The following SLC8A1 variants were observed in gnomAD, a reference collection of about 807,000 sequenced individuals.
SLC8A1 encodes the protein sodium/calcium exchanger 1.
A neutral mutation model predicts 68.3 loss-of-function variants in SLC8A1; 18 were observed. That is an observed-to-expected ratio of 0.26 (90% confidence interval 0.18 to 0.39). The LOEUF is 0.39. Among genes scored for constraint, SLC8A1 ranks in the 10% least tolerant of loss-of-function variants. SLC8A1 has a pLI of 1.00. For missense variants in SLC8A1, 985 were observed against 1,156.7 expected (o/e 0.85, Z 2.15); for synonymous variants, 475 against 415.5 (o/e 1.14, Z -1.74).
intron 2 of SLC8A1, among the ~76,000 whole-genome samples, chr2:40,376,350 A>G (rs989170614): frequency 1.3e-5 from 2 of 152,116 alleles, no homozygotes; most frequent in Non-Finnish European, 2.9e-5. Flanking sequence ...AGAGATAGAC[A>G]GTAGCTATGG....
At chr2:40,223,735 A>T (rs1490828996) in intron 2 of SLC8A1, 6 of 152,118 alleles carry the variant, frequency 3.9e-5, no homozygotes, top group Non-Finnish European at 8.8e-5. Flanking sequence ...TGGGCTCAAG[A>T]CAGCAAACAG....
intron 2 of SLC8A1, among the ~76,000 whole-genome samples, chr2:40,393,282 C>G (rs1318024916): frequency 6.6e-6 from 1 of 151,908 alleles, no homozygotes; most frequent in East Asian, 1.9e-4. Flanking sequence ...GAAAAAAATC[C>G]CAACAGCTAT....
intron 2 of SLC8A1, among the ~76,000 whole-genome samples, chr2:40,409,027 A>G (rs1691287911): frequency 6.6e-6 from 1 of 152,176 alleles, no homozygotes; most frequent in Non-Finnish European, 1.5e-5. Flanking sequence ...GTCAATGATT[A>G]TATGTAAATA....
intron 2 of SLC8A1, among the ~76,000 whole-genome samples, chr2:40,288,152 A>G (rs1447941606): frequency 6.6e-6 from 1 of 152,104 alleles, no homozygotes; most frequent in Non-Finnish European, 1.5e-5. Context: ...TGCATTCATG[A>G]TAGTGTTTTC....
intron 2 of SLC8A1, among the ~76,000 whole-genome samples, chr2:40,350,739 A>G (rs1670824674): frequency 6.6e-6 from 1 of 152,136 alleles, no homozygotes; most frequent in Admixed American, 6.5e-5. Context: ...TAAAAGCACA[A>G]AAACTGCCTG....
intron 2 of SLC8A1, among the ~76,000 whole-genome samples, chr2:40,300,620 T>C (rs949495724): frequency 1.3e-5 from 2 of 152,134 alleles, no homozygotes; most frequent in African/African-American, 4.8e-5. Context: ...AACCTCAGAC[T>C]CATGCTCTGA....
intron 2 of SLC8A1, among the ~76,000 whole-genome samples, chr2:40,201,233 T>G (rs1440563491): frequency 6.6e-6 from 1 of 151,940 alleles, no homozygotes; most frequent in Non-Finnish European, 1.5e-5. Flanking sequence ...AGAAGTCTTA[T>G]GATTTTCTGT....
intron 2 of SLC8A1, among the ~76,000 whole-genome samples, chr2:40,364,299 A>G (rs1203787346): frequency 6.6e-6 from 1 of 152,240 alleles, no homozygotes; most frequent in East Asian, 1.9e-4. Flanking sequence ...CTCTTAAGCC[A>G]TCAAGTTTCA....
intron 7 of SLC8A1, among the ~76,000 whole-genome samples, chr2:40,118,694 CA>C (rs1213087187): frequency 1.5e-5 from 2 of 132,114 alleles, no homozygotes; most frequent in East Asian, 2.3e-4. Context: ...CAGGAGAAAG[CA>C]GCTTCCAGCT....
chr2:40,282,869 G>A (rs1318206055), intron 2 of SLC8A1, among the ~76,000 whole-genome samples: 1 of 152,012 alleles, frequency 6.6e-6, no homozygotes, highest in Non-Finnish European at 1.5e-5. Context: ...CCCATACCCC[G>A]GACTCCCAGT....
At chr2:40,447,570 T>A in intron 1 of SLC8A1, among the ~76,000 whole-genome samples, 1 of 138,612 alleles carries the variant, frequency 7.2e-6, no homozygotes, top group East Asian at 2.1e-4. Flanking sequence ...CCAGTTGACC[T>A]GATAAACCAA....
chr2:40,256,534 G>C (rs577586016), intron 2 of SLC8A1, among the ~76,000 whole-genome samples: 264 of 152,300 alleles, frequency 1.7e-3, no homozygotes, highest in Non-Finnish European at 2.7e-3. Flanking sequence ...TGTTCTACTG[G>C]ACGCATTTAA....
chr2:40,152,554 A>G (rs1176215617), intron 6 of SLC8A1, among the ~76,000 whole-genome samples: 3 of 148,524 alleles, frequency 2.0e-5, no homozygotes, highest in African/African-American at 4.9e-5. Flanking sequence ...TCAGGTGTGC[A>G]CCACTACGCC....
At chr2:40,252,024 T>G (rs750016009) in intron 2 of SLC8A1, among the ~76,000 whole-genome samples, 2 of 152,180 alleles carry the variant, frequency 1.3e-5, no homozygotes, top group Non-Finnish European at 2.9e-5. Context: ...ATATGCAATA[T>G]GATTACAAAT....
At chr2:40,276,845 T>G (rs1169442800) in intron 2 of SLC8A1, among the ~76,000 whole-genome samples, 3 of 152,242 alleles carry the variant, frequency 2.0e-5, no homozygotes, top group African/African-American at 7.2e-5. Context: ...TGATTTACAT[T>G]TGTTGTGGAC....
intron 2 of SLC8A1, among the ~76,000 whole-genome samples, chr2:40,400,054 C>T (rs777342373): frequency 6.6e-6 from 1 of 152,130 alleles, no homozygotes; most frequent in Admixed American, 6.5e-5. Context: ...TGCATGCAGC[C>T]CCCAGTCACG....
At chr2:40,312,464 C>A (rs1051505439) in intron 2 of SLC8A1, among the ~76,000 whole-genome samples, 14 of 152,174 alleles carry the variant, frequency 9.2e-5, no homozygotes, top group African/African-American at 3.4e-4. Context: ...TTCTGCTTTT[C>A]TATTCAGTAT....
intron 2 of SLC8A1, among the ~76,000 whole-genome samples, chr2:40,322,786 G>A (rs2075357195): frequency 6.6e-6 from 1 of 151,146 alleles, no homozygotes. Flanking sequence ...TATAATAAAT[G>A]CCACTTATAT....
At chr2:40,479,915 T>C (rs1704526635) in intron 1 of SLC8A1, among the ~76,000 whole-genome samples, 1 of 152,186 alleles carries the variant, frequency 6.6e-6, no homozygotes. Flanking sequence ...CAGTAATTAA[T>C]GTACCAGGGT....
Sources: gnomAD v4.1 joint callset for allele counts (sites outside exome capture counted in the v4.1 genomes callset) on GRCh38, gnomAD v4.1.1 for gene constraint, MANE v1.5 for transcripts, NCBI Gene and HGNC (gene_info 2026-07-23, HGNC 2026-07-21) for gene names.